PCOLCE2: variants seen among roughly 807,000 people sequenced by gnomAD.
PCOLCE2 encodes procollagen C-proteinase enhancer 2.
Under a neutral mutation model 47.0 loss-of-function variants are expected in PCOLCE2, and 42 were observed. The ratio of observed to expected loss-of-function variants is 0.89; its 90% CI spans 0.70 to 1.16. The LOEUF (loss-of-function observed/expected upper bound fraction) is 1.16. Among genes scored for constraint, PCOLCE2 ranks in the 50% most tolerant of loss-of-function variants. PCOLCE2 has a pLI of 0.00. For synonymous variants in PCOLCE2, 169 were observed against 191.7 expected, an observed-to-expected ratio of 0.88 and a Z score of 0.98; for missense variants, 500 against 526.1, an observed-to-expected ratio of 0.95 and a Z score of 0.49.
At chr3:142,862,328 C>G (rs1371787312) in intron 2 of PCOLCE2, among the ~76,000 whole-genome samples, 11 of 152,208 alleles carry the variant, frequency 7.2e-5, no homozygotes, top group Admixed American at 4.6e-4. Context: ...TTGTTTCCTA[C>G]TGACACCTCC....
chr3:142,848,025 T>C (rs1937346029), intron 3 of PCOLCE2, among the ~76,000 whole-genome samples, 192 bp downstream of exon 3: 1 of 152,350 alleles, frequency 6.6e-6, no homozygotes, highest in South Asian at 2.1e-4. Flanking sequence ...TGAATTTCTA[T>C]ACTTGATTTA....
At chr3:142,867,389 A>C (rs1228328420) in intron 2 of PCOLCE2, among the ~76,000 whole-genome samples, 4 of 152,230 alleles carry the variant, frequency 2.6e-5, no homozygotes, top group African/African-American at 9.7e-5. Flanking sequence ...AAGAGTTAAA[A>C]ACTACTAAAT....
intron 2 of PCOLCE2, among the ~76,000 whole-genome samples, chr3:142,853,689 C>T (rs1451573119): frequency 6.6e-6 from 1 of 152,138 alleles, no homozygotes; most frequent in Non-Finnish European, 1.5e-5. Context: ...CCATTCTTTG[C>T]AAAAAGCAGA....
chr3:142,821,696 T>C (rs944896326), intron 7 of PCOLCE2, among the ~76,000 whole-genome samples: 8 of 151,944 alleles, frequency 5.3e-5, no homozygotes, highest in Non-Finnish European at 1.2e-4. Context: ...ACTTAAACTT[T>C]TTTTTTTCTT....
At chr3:142,844,478 A>G (rs976433167) in intron 3 of PCOLCE2, among the ~76,000 whole-genome samples, 1 of 152,202 alleles carries the variant, frequency 6.6e-6, no homozygotes, top group Non-Finnish European at 1.5e-5. Flanking sequence ...TTCATAAAAA[A>G]CTACTGGAAC....
At chr3:142,829,580 A>T (rs2108187702) in intron 6 of PCOLCE2, 112 bp downstream of exon 6, 1 of 758,142 alleles carries the variant, frequency 1.3e-6, no homozygotes. Flanking sequence ...CAAAGCTTTC[A>T]TCCTATTTAA....
Position 142,820,923 on chromosome 3 carries a change from C to A in PCOLCE2, c.1072G>T (p.Ala358Ser), listed in dbSNP as rs1047648760. 2 of 1,614,014 alleles carry A rather than the reference C, an allele frequency of 1.2e-6. No individual in the cohort carries two copies. The highest frequency in any genetic ancestry group is 1.7e-6 in the Non-Finnish European group (2 of 1,179,994). ...AIQQAGKNMSARLTVVCKQCP... is the reference protein window; with the variant it reads ...AIQQAGKNMSSRLTVVCKQCP... Reference sequence around the variant, plus strand: ...TGCTTGCAGACGACAGTCAGCCTGGCACTCATGTTCTTGCCCGCCTGCTGA... The same window carrying A: ...TGCTTGCAGACGACAGTCAGCCTGGAACTCATGTTCTTGCCCGCCTGCTGA... Residue 358 changes from alanine (A) to serine (S), a missense_variant, in exon 8 of 9, where the codon GCC becomes TCC. Coordinates refer to ENST00000295992, the MANE Select transcript of PCOLCE2 (RefSeq NM_013363.4).
chr3:142,833,840 T>TA (rs1249145280), intron 5 of PCOLCE2, among the ~76,000 whole-genome samples: 2 of 152,196 alleles, frequency 1.3e-5, no homozygotes, highest in Admixed American at 1.3e-4. Flanking sequence ...ACCTAAGCCT[T>TA]TGTCAAATAT....
At chr3:142,879,350 A>G (rs1933559740) in intron 2 of PCOLCE2, among the ~76,000 whole-genome samples, 2 of 152,204 alleles carry the variant, frequency 1.3e-5, no homozygotes, top group Non-Finnish European at 2.9e-5. Flanking sequence ...CACAGCACTA[A>G]AAATACAAGC....
intron 3 of PCOLCE2, among the ~76,000 whole-genome samples, chr3:142,845,225 G>A (rs1937311450): frequency 6.6e-6 from 1 of 152,024 alleles, no homozygotes; most frequent in Admixed American, 6.6e-5. Flanking sequence ...GGGTTCTCTA[G>A]GGATTATAAT....
intron 2 of PCOLCE2, 138 bp from the exon 3 acceptor site, chr3:142,848,610 G>C (rs1937355912): frequency 1.4e-6 from 1 of 736,322 alleles, no homozygotes; most frequent in Non-Finnish European, 2.1e-6. Context: ...ACTAACCCAA[G>C]GGAAGTTTTC....
chr3:142,871,316 T>C (rs140431130), intron 2 of PCOLCE2, among the ~76,000 whole-genome samples: 374 of 152,282 alleles, frequency 2.5e-3, no homozygotes, highest in Admixed American at 4.6e-3. Flanking sequence ...CTTCTTCCAT[T>C]CTTGCACCCT....
chr3:142,823,436 G>A (rs2108183893), intron 7 of PCOLCE2, 96 bp downstream of exon 7: 2 of 736,926 alleles, frequency 2.7e-6, no homozygotes, highest in Admixed American at 2.3e-5. Flanking sequence ...CAGCGTTATT[G>A]ACCCTTCACC....
chr3:142,882,686 C>T (rs1933649458), intron 2 of PCOLCE2, among the ~76,000 whole-genome samples: 1 of 152,020 alleles, frequency 6.6e-6, no homozygotes, highest in African/African-American at 2.4e-5. Flanking sequence ...CTCAAGCGAT[C>T]CTTCTGCCTC....
chr3:142,883,519 A>G (rs965621842), intron 2 of PCOLCE2, among the ~76,000 whole-genome samples: 4 of 151,878 alleles, frequency 2.6e-5, no homozygotes, highest in Non-Finnish European at 5.9e-5. Context: ...TCCCAGGCTC[A>G]AGTGATTCCT....
intron 2 of PCOLCE2, among the ~76,000 whole-genome samples, chr3:142,854,208 C>T (rs201630230): frequency 2.6e-5 from 4 of 151,742 alleles, no homozygotes; most frequent in East Asian, 3.9e-4. Context: ...TTTTGCAGCA[C>T]GTGATTTTTT....
rs1937037554 is a variant in PCOLCE2, at chr3:142,823,468, T to C, written c.949+64A>G. On this transcript the variant is annotated intron_variant, in intron 7 of 8. Coordinates refer to ENST00000295992, the MANE Select transcript of PCOLCE2 (RefSeq NM_013363.4). ...CACCATAAATTCATAGGAATTCCTT[T>C]GAGATTAAGCATGCAGCCTCAAGTT... 3.2e-6 allele frequency: 3 copies of C among 941,976 alleles called. No individual in the cohort carries two copies. In the Admixed American group the frequency reaches 5.9e-5, roughly 19 times the overall value. 58.4% of individuals were successfully genotyped at this position (941,976 alleles called of 1,614,324 possible). A position where few individuals can be genotyped will look rare whatever the true frequency, so the allele number is the denominator to read the frequency against.
chr3:142,840,327 C>T (rs1937251619), intron 4 of PCOLCE2, among the ~76,000 whole-genome samples: 1 of 152,136 alleles, frequency 6.6e-6, no homozygotes, highest in Non-Finnish European at 1.5e-5. Flanking sequence ...CAATCATTCC[C>T]CATACAAGCA....
intron 2 of PCOLCE2, among the ~76,000 whole-genome samples, chr3:142,860,469 C>T (rs992721563): frequency 2.0e-5 from 3 of 151,730 alleles, no homozygotes; most frequent in Admixed American, 6.6e-5. Context: ...ATTGCAATGT[C>T]GCGATCTCGG....
Sources: allele counts gnomAD v4.1 joint callset (sites outside exome capture counted in the v4.1 genomes callset), GRCh38; gene constraint gnomAD v4.1.1; transcripts MANE v1.5; gene names NCBI Gene and HGNC (gene_info 2026-07-23, HGNC 2026-07-21).